Variants in TCF7L2 observed in about 807,000 individuals in gnomAD.
TCF7L2 encodes transcription factor 7 like 2.
A neutral mutation model predicts 77.9 loss-of-function variants in TCF7L2; 23 were observed. The observed-to-expected ratio is 0.30, with a 90% confidence interval of 0.21 to 0.42. TCF7L2 has a LOEUF of 0.42. Among genes scored for constraint, TCF7L2 ranks in the 10% least tolerant of loss-of-function variants. TCF7L2 has a pLI of 1.00. For synonymous variants in TCF7L2, 413 were observed against 340.2 expected (o/e 1.21, Z -2.36); for missense variants, 654 against 793.1 (o/e 0.82, Z 2.11).
chr10:113,007,492 A>G (rs2045769603), intron 4 of TCF7L2, among the ~76,000 whole-genome samples: 1 of 152,218 alleles, frequency 6.6e-6, no homozygotes, highest in African/African-American at 2.4e-5. Flanking sequence ...GGTAACATCA[A>G]AAGGAAGGCT....
intron 4 of TCF7L2, among the ~76,000 whole-genome samples, chr10:113,015,394 C>G (rs1329199049): frequency 6.6e-6 from 1 of 151,770 alleles, no homozygotes; most frequent in Non-Finnish European, 1.5e-5. Context: ...CTGGCAGCTC[C>G]CTGCCTCGTG....
At chr10:112,965,313 T>C (rs1049071773) in intron 4 of TCF7L2, among the ~76,000 whole-genome samples, 13 of 152,178 alleles carry the variant, frequency 8.5e-5, no homozygotes, top group Non-Finnish European at 1.9e-4. Context: ...TGGACTAATA[T>C]AGACTCGGAG....
chr10:113,072,711 G>A (rs764775290), intron 5 of TCF7L2, among the ~76,000 whole-genome samples: 1 of 152,222 alleles, frequency 6.6e-6, no homozygotes, highest in African/African-American at 2.4e-5. Context: ...TCTTGTGCAT[G>A]CTTGGGAAAC....
chr10:113,133,839 T>A (rs2136604762), intron 5 of TCF7L2, among the ~76,000 whole-genome samples: 1 of 152,258 alleles, frequency 6.6e-6, no homozygotes, highest in African/African-American at 2.4e-5. Flanking sequence ...ACAATACAAA[T>A]AAGCAGCACC....
chr10:113,061,664 A>T (rs2134905423), intron 5 of TCF7L2, among the ~76,000 whole-genome samples: 1 of 152,322 alleles, frequency 6.6e-6, no homozygotes, highest in Non-Finnish European at 1.5e-5. Flanking sequence ...CGTGGAGATG[A>T]AAGGGCAGTG....
chr10:112,974,466 A>G (rs1261363255), intron 4 of TCF7L2, among the ~76,000 whole-genome samples: 3 of 151,816 alleles, frequency 2.0e-5, no homozygotes, highest in African/African-American at 7.3e-5. Context: ...TGTTTTTGAG[A>G]TGAGTCTCGC....
At chr10:113,046,512 T>C (rs1416123772) in intron 5 of TCF7L2, among the ~76,000 whole-genome samples, 1 of 152,188 alleles carries the variant, frequency 6.6e-6, no homozygotes, top group Non-Finnish European at 1.5e-5. Context: ...TAATTCATGT[T>C]TTGCTGTTAA....
intron 5 of TCF7L2, among the ~76,000 whole-genome samples, chr10:113,072,075 G>C (rs1393646891): frequency 2.0e-5 from 3 of 151,968 alleles, no homozygotes; most frequent in African/African-American, 7.2e-5. Context: ...TTTATTTTTT[G>C]AGACGGAGTC....
intron 3 of TCF7L2, among the ~76,000 whole-genome samples, chr10:112,960,516 C>G (rs2034791850): frequency 6.6e-6 from 1 of 152,048 alleles, no homozygotes; most frequent in Non-Finnish European, 1.5e-5. Context: ...CGCTGGAGTT[C>G]TCATCTGGTG....
At chr10:113,085,868 G>A (rs2059785050) in intron 5 of TCF7L2, among the ~76,000 whole-genome samples, 1 of 152,236 alleles carries the variant, frequency 6.6e-6, no homozygotes. Context: ...AGATTTTAGT[G>A]CTGTTCAGCA....
chr10:112,993,805 C>G (rs1354519313), intron 4 of TCF7L2, among the ~76,000 whole-genome samples: 1 of 152,132 alleles, frequency 6.6e-6, no homozygotes, highest in South Asian at 2.1e-4. Flanking sequence ...GCCTGTAATC[C>G]TAGCACTTTG....
chr10:113,134,197 C>G (rs10885419), intron 5 of TCF7L2, among the ~76,000 whole-genome samples: 50,991 of 151,972 alleles, frequency 0.34, 9,144 homozygotes, highest in Admixed American at 0.48. Flanking sequence ...CACGGTGATG[C>G]ATGGGTCCTG....
chr10:113,050,502 A>C (rs1488809025), intron 5 of TCF7L2, among the ~76,000 whole-genome samples: 1 of 152,188 alleles, frequency 6.6e-6, no homozygotes, highest in Non-Finnish European at 1.5e-5. Context: ...GATTGAAAGG[A>C]GACGCCAACC....
chr10:113,140,772 T>G (rs2068220850), intron 5 of TCF7L2, among the ~76,000 whole-genome samples: 1 of 151,978 alleles, frequency 6.6e-6, no homozygotes. Context: ...TCCTAGATGG[T>G]CCCCTGTGCA....
intron 4 of TCF7L2, among the ~76,000 whole-genome samples, chr10:112,989,495 C>T (rs757670281): frequency 4.6e-5 from 7 of 152,120 alleles, no homozygotes; most frequent in South Asian, 2.1e-4. Context: ...AATTGCTAGT[C>T]AATGCTAATA....
At chr10:113,001,636 T>G (rs1590235256) in intron 4 of TCF7L2, among the ~76,000 whole-genome samples, 1 of 152,110 alleles carries the variant, frequency 6.6e-6, no homozygotes, top group African/African-American at 2.4e-5. Flanking sequence ...AGTTTGGAGG[T>G]ACTGGGATAA....
chr10:113,164,901 C>T (rs544062267), intron 13 of TCF7L2, among the ~76,000 whole-genome samples: 149 of 152,296 alleles, frequency 9.8e-4, no homozygotes, highest in African/African-American at 3.5e-3. Flanking sequence ...TCTCTGGGCG[C>T]CAGCAGCCTC....
chr10:113,057,589 A>G (rs925961701), intron 5 of TCF7L2, among the ~76,000 whole-genome samples: 9 of 152,332 alleles, frequency 5.9e-5, no homozygotes, highest in African/African-American at 2.2e-4. Flanking sequence ...GTAACAGGGG[A>G]AAACATTTTA....
intron 5 of TCF7L2, chr10:113,129,347 C>T (rs1441207118): frequency 1.0e-6 from 1 of 987,854 alleles, no homozygotes; most frequent in Non-Finnish European, 1.2e-6. Flanking sequence ...CTACTCTTAG[C>T]GGCAGCTCTG....
Sources: gnomAD v4.1 joint callset for allele counts (sites outside exome capture counted in the v4.1 genomes callset) on GRCh38, gnomAD v4.1.1 for gene constraint, MANE v1.5 for transcripts, NCBI Gene and HGNC (gene_info 2026-07-23, HGNC 2026-07-21) for gene names.